Variants in PVT1 observed in about 807,000 individuals in gnomAD.
The protein encoded by PVT1 is Pvt1 oncogene.
At chr8:127,993,559 C>A (rs1817067951) in intron 4 of PVT1, among the ~76,000 whole-genome samples, 1 of 152,240 alleles carries the variant, frequency 6.6e-6, no homozygotes, top group African/African-American at 2.4e-5. Flanking sequence ...AACATCAGCT[C>A]TTCTCCCCTG....
rs925150170 is a variant in PVT1 at position 128,026,008 on chromosome 8, A to G, written n.912+36717A>G. Among the ~76,000 whole-genome samples the G allele has an allele frequency of 4.6e-5, 7 of 151,656 alleles. 1 individual carries two copies. Among genetic ancestry groups the G allele is most frequent in the African/African-American group, 9.7e-5 (4 of 41,222 alleles). Reference sequence around the variant, plus strand: ...GCTCTGTTGTCCAGGCCGGAGTGCAATGTTGTGATCTCAGCTCACTGCAAC... The same window carrying G: ...GCTCTGTTGTCCAGGCCGGAGTGCAGTGTTGTGATCTCAGCTCACTGCAAC... On this transcript the variant is annotated intron_variant and non_coding_transcript_variant, in intron 4 of 10. Coordinates refer to ENST00000651587, the Ensembl canonical transcript of PVT1.
chr8:128,036,233 A>T (rs1813459954), intron 4 of PVT1, among the ~76,000 whole-genome samples: 1 of 152,182 alleles, frequency 6.6e-6, no homozygotes, highest in Non-Finnish European at 1.5e-5. Context: ...CTGTCATCTG[A>T]TGTAACATCA....
rs1006437422 is a variant in PVT1, at chr8:127,837,293, C to T, written n.372+41222C>T. Among the ~76,000 whole-genome samples, 3 of 152,058 alleles carry T rather than the reference C, an allele frequency of 2.0e-5. No homozygotes were observed. The South Asian group carries it at 6.2e-4, about 32-fold the overall frequency. The stretch of plus-strand genomic sequence containing the variant: ...GAAGTCTTTCTGGCCGGGCTGCAGG[C>T]TTCATGCAACACCTTTCAACCTGTA... On this transcript the variant is annotated intron_variant and non_coding_transcript_variant, in intron 2 of 10. Coordinates refer to ENST00000651587, the Ensembl canonical transcript of PVT1.
intron 2 of PVT1, among the ~76,000 whole-genome samples, chr8:127,836,434 A>AT (rs531926961): frequency 4.3e-4 from 66 of 152,048 alleles, no homozygotes; most frequent in Non-Finnish European, 8.4e-4. Flanking sequence ...TGCATTAGCT[A>AT]TTTTTTCTAT....
At chr8:128,086,400 T>C (rs908389016) in intron 5 of PVT1, among the ~76,000 whole-genome samples, 10 of 152,304 alleles carry the variant, frequency 6.6e-5, no homozygotes, top group African/African-American at 2.4e-4. Context: ...AGTGCTACTA[T>C]GCTAATCCTC....
intron 2 of PVT1, among the ~76,000 whole-genome samples, chr8:127,860,189 G>T (rs1247059849): frequency 6.6e-6 from 1 of 152,196 alleles, no homozygotes; most frequent in Non-Finnish European, 1.5e-5. Flanking sequence ...CGAGGAGCAG[G>T]TCCTGGTGGC....
chr8:127,919,002 G>A (rs1029927201), intron 3 of PVT1, among the ~76,000 whole-genome samples: 10 of 152,098 alleles, frequency 6.6e-5, no homozygotes, highest in African/African-American at 2.2e-4. Flanking sequence ...GGTTCTGATC[G>A]TTGGGGCTGT....
intron 2 of PVT1, among the ~76,000 whole-genome samples, chr8:127,872,316 G>A (rs1420704027): frequency 6.6e-6 from 1 of 152,040 alleles, no homozygotes; most frequent in Non-Finnish European, 1.5e-5. Context: ...TGGAGGCTGA[G>A]GTGGGAGAAT....
intron 3 of PVT1, among the ~76,000 whole-genome samples, chr8:127,927,681 C>T (rs1290371403): frequency 2.6e-5 from 4 of 152,130 alleles, no homozygotes; most frequent in Non-Finnish European, 4.4e-5. Flanking sequence ...TGGCCATACC[C>T]CCTCCTTAGC....
At position 127,922,570 on chromosome 8, in the gene PVT1, A is replaced by G. The variant is rs149383216; in HGVS notation, n.782+31572A>G. Among the ~76,000 whole-genome samples the G allele has an allele frequency of 4.6e-4, 70 of 151,558 alleles. No homozygotes were observed. The East Asian group carries it at 0.013, about 28-fold the overall frequency. ...CTGCACCTCTCTGAGCTACCTTCCT[A>G]CCTCCATCCTTGCATTCATTAGGGG... On this transcript the variant is annotated intron_variant and non_coding_transcript_variant, in intron 3 of 10. Coordinates refer to ENST00000651587, the Ensembl canonical transcript of PVT1.
intron 2 of PVT1, among the ~76,000 whole-genome samples, chr8:127,869,536 C>T (rs559267388): frequency 1.1e-4 from 16 of 152,266 alleles, no homozygotes; most frequent in African/African-American, 3.6e-4. Flanking sequence ...TATCACAAGT[C>T]GAAGGGACAA....
chr8:127,803,125 C>CTT (rs57755504), intron 2 of PVT1: 5,601 of 105,308 alleles, frequency 0.053, 407 homozygotes, highest in African/African-American at 0.12. Flanking sequence ...TTCTTTCTTT[C>CTT]TTTTTTTTTT....
At chr8:127,965,979 G>C (rs1347910764) in intron 3 of PVT1, among the ~76,000 whole-genome samples, 1 of 152,218 alleles carries the variant, frequency 6.6e-6, no homozygotes, top group African/African-American at 2.4e-5. Context: ...CAGTGAAAGA[G>C]AATGTCACAA....
intron 4 of PVT1, among the ~76,000 whole-genome samples, chr8:128,045,411 C>T (rs1218001156): frequency 6.6e-6 from 1 of 152,174 alleles, no homozygotes; most frequent in Non-Finnish European, 1.5e-5. Flanking sequence ...GCTTGTACCC[C>T]ACAACATCTT....
chr8:127,877,318 A>C (rs1324124659), intron 2 of PVT1, among the ~76,000 whole-genome samples: 1 of 152,206 alleles, frequency 6.6e-6, no homozygotes, highest in Non-Finnish European at 1.5e-5. Context: ...CTGTTTCTGT[A>C]ACTTTCAGAT....
Position 128,014,364 on chromosome 8 carries a change from C to T in PVT1, n.912+25073C>T, listed in dbSNP as rs752201453. On this transcript the variant is annotated intron_variant and non_coding_transcript_variant, in intron 4 of 10. Coordinates refer to ENST00000651587, the Ensembl canonical transcript of PVT1. ...CTGTGATGGGTGCTGAAACAACGCT[C>T]CCTCATTGGAGCTGCTTGAGAAGGT... Among the ~76,000 whole-genome samples, 3 of 152,198 alleles carry T rather than the reference C, an allele frequency of 2.0e-5. No individual in the cohort carries two copies. In the South Asian group the frequency reaches 6.2e-4, roughly 32 times the overall value.
intron 4 of PVT1, among the ~76,000 whole-genome samples, chr8:127,993,291 C>A (rs1817064582): frequency 6.6e-6 from 1 of 152,232 alleles, no homozygotes; most frequent in Non-Finnish European, 1.5e-5. Context: ...GGAGCTTCCT[C>A]CGTGATGTCT....
chr8:127,984,187 C>A (rs1386218673), intron 3 of PVT1: 1 of 152,132 alleles, frequency 6.6e-6, no homozygotes, highest in Admixed American at 6.5e-5. Context: ...ACGACTCTGA[C>A]ATTTTTGAAG....
intron 4 of PVT1, among the ~76,000 whole-genome samples, chr8:128,068,271 A>G (rs1813936316): frequency 6.6e-6 from 1 of 151,780 alleles, no homozygotes; most frequent in East Asian, 1.9e-4. Flanking sequence ...TCTCTGTCCC[A>G]TCCACCGCTC....
Sources: gnomAD v4.1 joint callset for allele counts (sites outside exome capture counted in the v4.1 genomes callset) on GRCh38, gnomAD v4.1.1 for gene constraint, MANE v1.5 for transcripts, NCBI Gene and HGNC (gene_info 2026-07-23, HGNC 2026-07-21) for gene names.